The following ATL2 variants were observed in gnomAD, a reference collection of about 807,000 sequenced individuals.
ATL2 encodes atlastin GTPase 2.
In ATL2, 31 loss-of-function variants were observed where a neutral mutation model predicts 73.9. The observed-to-expected ratio is 0.42, with a 90% CI of 0.32 to 0.57. The LOEUF (loss-of-function observed/expected upper bound fraction) is 0.57. Among genes scored for constraint, ATL2 ranks in the 20% least tolerant of loss-of-function variants. The pLI is 0.14. For synonymous variants in ATL2, 291 were observed against 237.5 expected, an observed-to-expected ratio of 1.23 and a Z score of -2.07; for missense variants, 738 against 702.6, an observed-to-expected ratio of 1.05 and a Z score of -0.57.
intron 1 of ATL2, among the ~76,000 whole-genome samples, chr2:38,347,627 G>C (rs1401643238): frequency 6.6e-6 from 1 of 151,974 alleles, no homozygotes; most frequent in Non-Finnish European, 1.5e-5. Context: ...ACTAAAGTAA[G>C]GATCCCAATC....
chr2:38,296,163 G>T, intron 12 of ATL2, 50 bp from the exon 13 acceptor site: 1 of 1,498,414 alleles, frequency 6.7e-7, no homozygotes. Context: ...GGTAAAAAAA[G>T]AGTTACATAT....
At chr2:38,361,529 C>T (rs1019248034) in intron 1 of ATL2, among the ~76,000 whole-genome samples, 6 of 151,900 alleles carry the variant, frequency 3.9e-5, no homozygotes, top group East Asian at 3.9e-4. Context: ...TGCATATCTA[C>T]GAAGAAAGGG....
intron 1 of ATL2, among the ~76,000 whole-genome samples, chr2:38,373,275 C>A (rs1360396468): frequency 1.3e-5 from 2 of 152,142 alleles, no homozygotes; most frequent in African/African-American, 4.8e-5. Context: ...TACTAGAGAA[C>A]CTAGATAAGT....
chr2:38,343,298 C>A lies in ATL2; in HGVS notation c.333G>T (p.Leu111=). 2 of 1,609,804 alleles carry A rather than the reference C, an allele frequency of 1.2e-6. No individual in the cohort carries two copies. The highest frequency in any genetic ancestry group is 1.7e-6 in the Non-Finnish European group (2 of 1,178,912). Residue 111 remains leucine (L), a synonymous_variant, in exon 2 of 13, where the codon CTG becomes CTT. Transcript: ENST00000378954. ...GAFRKGKSFL[L]DFMLRYMYNK... ...TATACATGTATCTAAGCATGAAGTC[C>A]AGTAGAAATGACTTCCCTTTACGAA... is the stretch of plus-strand genomic sequence containing the variant.
At chr2:38,323,872 C>T (rs1165725678) in intron 2 of ATL2, among the ~76,000 whole-genome samples, 3 of 152,150 alleles carry the variant, frequency 2.0e-5, no homozygotes, top group Non-Finnish European at 4.4e-5. Flanking sequence ...CCGCTCCTGA[C>T]TGCTGGCAAG....
intron 2 of ATL2, among the ~76,000 whole-genome samples, chr2:38,342,901 A>G (rs1669805471): frequency 6.6e-6 from 1 of 152,026 alleles, no homozygotes; most frequent in Non-Finnish European, 1.5e-5. Context: ...AGTCCTATAA[A>G]GAATTATATT....
upstream of ATL2, among the ~76,000 whole-genome samples, chr2:38,377,911 A>C (rs1558471649): frequency 6.6e-6 from 1 of 150,884 alleles, no homozygotes; most frequent in Non-Finnish European, 1.5e-5. Flanking sequence ...TACTTATGAG[A>C]CCTTCCCCCA....
chr2:38,318,307 T>A, intron 4 of ATL2: 1 of 338,834 alleles, frequency 3.0e-6, no homozygotes, highest in Non-Finnish European at 5.3e-6. Context: ...GTGAAACCCG[T>A]CTCTACTAAA....
At position 38,310,765 on chromosome 2, in the gene ATL2, G is replaced by A. The variant is rs373822662; in HGVS notation, c.805-318C>T. Among the ~76,000 whole-genome samples the A allele has an allele frequency of 4.0e-5, 6 of 151,694 alleles. No individual in the cohort carries two copies. The South Asian group carries it at 6.3e-4, about 16-fold the overall frequency. The stretch of plus-strand genomic sequence containing the variant: ...TGATTCTCCTGCCTCAGCCTCCCGA[G>A]TAGCTGGGATTACAGGCGTGCACCA... On this transcript the variant is annotated intron_variant, in intron 7 of 12. Transcript: ENST00000378954.
At chr2:38,340,594 A>C (rs1669659631) in intron 2 of ATL2, among the ~76,000 whole-genome samples, 1 of 151,930 alleles carries the variant, frequency 6.6e-6, no homozygotes, top group Admixed American at 6.5e-5. Flanking sequence ...GTCAACACTG[A>C]AAACTTAAAC....
At chr2:38,374,035 C>A (rs988059949) in intron 1 of ATL2, among the ~76,000 whole-genome samples, 2 of 152,068 alleles carry the variant, frequency 1.3e-5, no homozygotes, top group African/African-American at 2.4e-5. Flanking sequence ...GGGATTACAG[C>A]CATGCGCCAC....
chr2:38,340,110 A>G (rs1017134102), intron 2 of ATL2, among the ~76,000 whole-genome samples: 13 of 146,364 alleles, frequency 8.9e-5, no homozygotes, highest in African/African-American at 3.3e-4. Context: ...TCATTCACGT[A>G]AAGTTCAAAA....
intron 12 of ATL2, 130 bp from the exon 13 acceptor site, chr2:38,296,243 G>A: frequency 7.0e-7 from 1 of 1,425,422 alleles, no homozygotes. Flanking sequence ...ATAAAAAGAT[G>A]CTTCTCTCAA....
intron 1 of ATL2, among the ~76,000 whole-genome samples, chr2:38,355,532 T>C (rs998050409): frequency 6.6e-6 from 1 of 152,126 alleles, no homozygotes; most frequent in Non-Finnish European, 1.5e-5. Flanking sequence ...AAAGCTAAAG[T>C]AGCTACATAA....
chr2:38,333,025 GAAAAGAAAAAGA>G (rs1028175325), intron 2 of ATL2, among the ~76,000 whole-genome samples: 1 of 151,630 alleles, frequency 6.6e-6, no homozygotes, highest in Non-Finnish European at 1.5e-5. Context: ...GACTTGATCT[GAAAAGAAAAAGA>G]AAAAGAGAAA....
rs572712743 is a variant in ATL2 at position 38,350,645 on chromosome 2, T to C, written c.119-7133A>G. Among the ~76,000 whole-genome samples the C allele has an allele frequency of 1.9e-3, 282 of 152,270 alleles. 2 individuals carry two copies. The highest frequency in any genetic ancestry group is 6.3e-3 in the African/African-American group (262 of 41,542). ...TGTGTTAGTGAAGGTTCATTGATTT[T>C]AACAAAAGCACCACTGTGGGTGAAA... is the stretch of plus-strand genomic sequence containing the variant. On this transcript the variant is annotated intron_variant, in intron 1 of 12. Transcript: ENST00000378954.
chr2:38,340,059 T>C (rs145733018), intron 2 of ATL2, among the ~76,000 whole-genome samples: 1,979 of 150,802 alleles, frequency 0.013, 28 homozygotes, highest in Non-Finnish European at 0.023. Context: ...AGTTATAATG[T>C]TAACAAAATA....
chr2:38,349,989 T>C (rs1023543182), intron 1 of ATL2, among the ~76,000 whole-genome samples: 3 of 152,172 alleles, frequency 2.0e-5, no homozygotes, highest in African/African-American at 7.2e-5. Flanking sequence ...ACAGATAAAG[T>C]ACTCCATCAA....
intron 5 of ATL2, 73 bp downstream of exon 5, chr2:38,315,211 A>G: frequency 7.5e-7 from 1 of 1,334,230 alleles, no homozygotes; most frequent in Non-Finnish European, 9.7e-7. Flanking sequence ...AGATTGTGCC[A>G]CCGTACTCTA....
Sources: allele counts gnomAD v4.1 joint callset (sites outside exome capture counted in the v4.1 genomes callset), GRCh38; gene constraint gnomAD v4.1.1; transcripts MANE v1.5; gene names NCBI Gene and HGNC (gene_info 2026-07-23, HGNC 2026-07-21).